Variants in TPRG1 observed in about 807,000 individuals in gnomAD.
The protein encoded by TPRG1 is tumor protein p63-regulated gene 1 protein.
A neutral mutation model predicts 29.3 loss-of-function variants in TPRG1; 29 were observed. The observed-to-expected ratio is 0.99, with a 90% CI of 0.74 to 1.35. The LOEUF is 1.35. Ranked by LOEUF, TPRG1 falls within the 40% of genes most tolerant of loss-of-function variation. The pLI is 0.00. For synonymous variants in TPRG1, 130 were observed against 116.8 expected, an observed-to-expected ratio of 1.11 and a Z score of -0.73; for missense variants, 327 against 335.0, an observed-to-expected ratio of 0.98 and a Z score of 0.19.
chr3:189,202,221 T>C (rs185459761), intron 1 of TPRG1, among the ~76,000 whole-genome samples: 77 of 152,280 alleles, frequency 5.1e-4, no homozygotes, highest in Admixed American at 2.0e-3. Flanking sequence ...CTTAAGATCA[T>C]GCGGTTTTTC....
intron 1 of TPRG1, among the ~76,000 whole-genome samples, chr3:189,113,150 A>AGT (rs949539979): frequency 1.3e-5 from 2 of 152,096 alleles, no homozygotes; most frequent in African/African-American, 4.8e-5. Flanking sequence ...TGTGAATGGG[A>AGT]GTCCACTCAT....
rs117061594 is a variant in TPRG1, at chr3:189,316,655, C to G, written c.634-3971C>G. Reference sequence around the variant, plus strand: ...TGGAAAGTCAAGAATAATACGATGTCCCCCCTGTCCCCACCACGCACACTG... The same window carrying G: ...TGGAAAGTCAAGAATAATACGATGTGCCCCCTGTCCCCACCACGCACACTG... On this transcript the variant is annotated intron_variant, in intron 5 of 5. Transcript: ENST00000345063. 2.1e-4 allele frequency among the ~76,000 whole-genome samples: 32 copies of G among 152,184 alleles called. No individual in the cohort carries two copies. In the East Asian group the frequency reaches 4.1e-3, roughly 19 times the overall value.
intron 4 of TPRG1, among the ~76,000 whole-genome samples, chr3:189,150,193 C>CT (rs996191881): frequency 1.3e-5 from 2 of 152,090 alleles, no homozygotes; most frequent in African/African-American, 4.8e-5. Flanking sequence ...GTAGGGATTT[C>CT]TTTTTTTGAG....
chr3:189,176,146 G>C (rs993919247), intron 1 of TPRG1, among the ~76,000 whole-genome samples: 6 of 152,122 alleles, frequency 3.9e-5, no homozygotes, highest in African/African-American at 1.4e-4. Flanking sequence ...CAAACCCCAA[G>C]GTATTTTATA....
At chr3:189,283,187 A>T (rs1353525725) in intron 4 of TPRG1, among the ~76,000 whole-genome samples, 1 of 152,216 alleles carries the variant, frequency 6.6e-6, no homozygotes, top group East Asian at 1.9e-4. Context: ...GAGTTCCTTG[A>T]CCACTCATTT....
At chr3:189,207,740 CTATT>C (rs1734626101) in intron 2 of TPRG1, 146 bp downstream of exon 2, 5 of 743,236 alleles carry the variant, frequency 6.7e-6, no homozygotes, top group Admixed American at 5.5e-5. Flanking sequence ...ATCCTTATCC[CTATT>C]TAAAGATGAA....
intron 3 of TPRG1, among the ~76,000 whole-genome samples, chr3:189,017,565 T>A (rs1404202533): frequency 2.0e-5 from 3 of 152,232 alleles, no homozygotes; most frequent in African/African-American, 7.2e-5. Context: ...GAACTCATCA[T>A]TTTTTATGGC....
At chr3:189,183,344 G>A (rs189735375) in intron 1 of TPRG1, among the ~76,000 whole-genome samples, 12 of 152,264 alleles carry the variant, frequency 7.9e-5, no homozygotes, top group Admixed American at 3.3e-4. Flanking sequence ...AAGGCAAATG[G>A]AGGCAGGGCA....
chr3:189,183,223 G>A (rs1056115422), intron 1 of TPRG1, among the ~76,000 whole-genome samples: 2 of 152,120 alleles, frequency 1.3e-5, no homozygotes, highest in African/African-American at 2.4e-5. Context: ...ATGATGCCCC[G>A]CAAGCCACAG....
At chr3:189,077,008 C>A (rs1258339839) in intron 4 of TPRG1, among the ~76,000 whole-genome samples, 3 of 151,514 alleles carry the variant, frequency 2.0e-5, no homozygotes, top group Non-Finnish European at 2.9e-5. Flanking sequence ...TTGTAAATGG[C>A]TAAAATCAAG....
chr3:189,227,762 G>T (rs942889047), intron 3 of TPRG1, among the ~76,000 whole-genome samples: 1 of 152,236 alleles, frequency 6.6e-6, no homozygotes, highest in South Asian at 2.1e-4. Context: ...CTATGGTCAC[G>T]CCACTGGCCT....
chr3:189,275,701 G>C (rs1400216039), intron 4 of TPRG1, among the ~76,000 whole-genome samples: 1 of 152,142 alleles, frequency 6.6e-6, no homozygotes, highest in East Asian at 1.9e-4. Context: ...TTGAATGCCA[G>C]TGTAAAATGT....
intron 4 of TPRG1, among the ~76,000 whole-genome samples, chr3:189,076,298 T>A (rs775824905): frequency 6.6e-5 from 10 of 152,174 alleles, no homozygotes; most frequent in Non-Finnish European, 1.2e-4. Context: ...AAATGAACAC[T>A]GGGCTGTAAG....
intron 4 of TPRG1, among the ~76,000 whole-genome samples, chr3:189,303,277 G>A (rs1237116879): frequency 1.3e-5 from 2 of 152,176 alleles, no homozygotes; most frequent in Non-Finnish European, 1.5e-5. Flanking sequence ...AAATAAGTAT[G>A]TAAGTTTGAG....
chr3:189,018,950 C>T (rs1713121064), intron 3 of TPRG1, among the ~76,000 whole-genome samples: 2 of 151,942 alleles, frequency 1.3e-5, no homozygotes, highest in African/African-American at 4.8e-5. Flanking sequence ...CCTTCACATC[C>T]CTTGTAAGTT....
At chr3:189,100,685 C>G (rs1424734046) in intron 1 of TPRG1, among the ~76,000 whole-genome samples, 4 of 152,164 alleles carry the variant, frequency 2.6e-5, no homozygotes, top group South Asian at 4.1e-4. Context: ...ACAGAAAGCA[C>G]AGACCTTGGC....
At chr3:189,315,448 C>A (rs1723354607) in intron 5 of TPRG1, 1 of 447,514 alleles carries the variant, frequency 2.2e-6, no homozygotes, top group South Asian at 1.6e-5. Flanking sequence ...CAACTTATAG[C>A]CTTACCTTTT....
intron 4 of TPRG1, among the ~76,000 whole-genome samples, chr3:189,295,404 T>G (rs1361065341): frequency 6.6e-6 from 1 of 151,878 alleles, no homozygotes; most frequent in African/African-American, 2.4e-5. Flanking sequence ...TTTACATCTT[T>G]TAAACTACAT....
chr3:189,133,524 CA>C (rs1281391801), intron 3 of TPRG1, among the ~76,000 whole-genome samples: 1 of 152,150 alleles, frequency 6.6e-6, no homozygotes, highest in Non-Finnish European at 1.5e-5. Flanking sequence ...ATAGTTCTCA[CA>C]AGACCTGTTG....
Sources: allele counts gnomAD v4.1 joint callset (sites outside exome capture counted in the v4.1 genomes callset), GRCh38; gene constraint gnomAD v4.1.1; transcripts MANE v1.5; gene names NCBI Gene and HGNC (gene_info 2026-07-23, HGNC 2026-07-21).